LDLRAD4: variants seen among roughly 807,000 people sequenced by gnomAD.
The protein encoded by LDLRAD4 is low density lipoprotein receptor class A domain containing 4.
A neutral mutation model predicts 17.0 loss-of-function variants in LDLRAD4; 5 were observed. The ratio of observed to expected loss-of-function variants is 0.29; its 90% CI spans 0.15 to 0.62. The LOEUF is 0.62. Ranked by LOEUF, LDLRAD4 falls within the 20% of genes least tolerant of loss-of-function variation. The pLI, the probability that LDLRAD4 is intolerant of heterozygous loss-of-function variation, is 0.84. For synonymous variants in LDLRAD4, 168 were observed against 171.8 expected (o/e 0.98, Z 0.17); for missense variants, 340 against 424.7 (o/e 0.80, Z 1.75).
chr18:13,265,408 C>T (rs1316586826), intron 1 of LDLRAD4, among the ~76,000 whole-genome samples: 2 of 152,174 alleles, frequency 1.3e-5, no homozygotes, highest in Non-Finnish European at 2.9e-5. Context: ...CGGGGACACT[C>T]GAAGCCCTCC....
chr18:13,594,259 G>A (rs1020822525), intron 3 of LDLRAD4, among the ~76,000 whole-genome samples: 7 of 152,082 alleles, frequency 4.6e-5, no homozygotes, highest in African/African-American at 7.2e-5. Context: ...TTTTCCCTCC[G>A]TTGGTCTGTC....
At chr18:13,251,452 A>G (rs910118340) in intron 1 of LDLRAD4, among the ~76,000 whole-genome samples, 4 of 152,234 alleles carry the variant, frequency 2.6e-5, no homozygotes, top group African/African-American at 9.6e-5. Flanking sequence ...TGCAAATGAC[A>G]TGATCTTATA....
chr18:13,486,562 T>A (rs2093227293), intron 3 of LDLRAD4: 1 of 152,252 alleles, frequency 6.6e-6, no homozygotes, highest in South Asian at 2.1e-4. Flanking sequence ...TGCGTACACC[T>A]CCTCTCTGTT....
At chr18:13,595,041 A>G (rs1183766024) in intron 3 of LDLRAD4, among the ~76,000 whole-genome samples, 1 of 152,102 alleles carries the variant, frequency 6.6e-6, no homozygotes, top group Non-Finnish European at 1.5e-5. Flanking sequence ...TGCTCATAAT[A>G]TTACATTATA....
intron 3 of LDLRAD4, among the ~76,000 whole-genome samples, chr18:13,599,609 G>A (rs932571240): frequency 3.3e-5 from 5 of 150,562 alleles, no homozygotes; most frequent in Admixed American, 2.7e-4. Context: ...TCCTGCCTCA[G>A]CCTCCTGAGT....
At chr18:13,644,852 C>T in intron 5 of LDLRAD4, 1 of 437,960 alleles carries the variant, frequency 2.3e-6, no homozygotes, top group East Asian at 3.9e-5. Flanking sequence ...ACAGAAACTC[C>T]CAGGAGCCCA....
chr18:13,361,656 G>C (rs1017113012), intron 1 of LDLRAD4, among the ~76,000 whole-genome samples: 1 of 152,204 alleles, frequency 6.6e-6, no homozygotes, highest in African/African-American at 2.4e-5. Flanking sequence ...TGACATCACT[G>C]CTGCCCACAC....
intron 1 of LDLRAD4, among the ~76,000 whole-genome samples, chr18:13,224,474 CTTTTTTTTT>C (rs10676168): frequency 1.6e-4 from 14 of 87,886 alleles, no homozygotes; most frequent in South Asian, 1.4e-3. Context: ...TTCTTTCTTT[CTTTTTTTTT>C]TTTTTTTTTT....
At position 13,398,324 on chromosome 18, in the gene LDLRAD4, C is replaced by T. The variant is rs1486953145; in HGVS notation, c.40+10562C>T. 6.6e-6 allele frequency among the ~76,000 whole-genome samples: 1 copy of T among 151,954 alleles called. No individual in the cohort carries two copies. Among genetic ancestry groups the T allele is most frequent in the Non-Finnish European group, 1.5e-5 (1 of 68,024 alleles). ...TCATTCTGCTTTTGGAATGCTTAGG[C>T]GTGAAAGCAGCACAGCGTCACGGTG... On this transcript the variant is annotated intron_variant, in intron 2 of 5. Transcript: ENST00000359446. The surrounding 1 kb of genome is among the most constrained non-coding windows in gnomAD (Gnocchi z 4.8).
chr18:13,469,193 C>T (rs138152484), intron 3 of LDLRAD4, among the ~76,000 whole-genome samples: 166 of 152,312 alleles, frequency 1.1e-3, no homozygotes, highest in African/African-American at 3.9e-3. Flanking sequence ...TACCACTTCA[C>T]ACCTACCAGA....
intron 3 of LDLRAD4, among the ~76,000 whole-genome samples, chr18:13,537,926 ATT>A (rs1335305361): frequency 1.3e-5 from 2 of 152,160 alleles, no homozygotes; most frequent in African/African-American, 4.8e-5. Context: ...CTTTCAAGAA[ATT>A]TGTCCATTTT....
chr18:13,614,247 C>T (rs1406958007), intron 3 of LDLRAD4: 2 of 152,230 alleles, frequency 1.3e-5, no homozygotes, highest in East Asian at 3.8e-4. Flanking sequence ...CCAGGGCTCA[C>T]TCTGTAGAGG....
intron 1 of LDLRAD4, among the ~76,000 whole-genome samples, chr18:13,345,124 T>C (rs1167310745): frequency 2.0e-5 from 3 of 152,194 alleles, no homozygotes; most frequent in Non-Finnish European, 4.4e-5. Flanking sequence ...CTATGTTGAA[T>C]AGGAGTGGTG....
intron 3 of LDLRAD4, among the ~76,000 whole-genome samples, chr18:13,573,125 G>A (rs1026146894): frequency 6.6e-6 from 1 of 152,006 alleles, no homozygotes; most frequent in African/African-American, 2.4e-5. Context: ...ATTTTTTTGA[G>A]ACGGAGTCTC....
chr18:13,607,836 G>C (rs772801829), intron 3 of LDLRAD4, among the ~76,000 whole-genome samples: 8 of 152,114 alleles, frequency 5.3e-5, no homozygotes, highest in Non-Finnish European at 1.0e-4. Flanking sequence ...TTCTTTACCT[G>C]GTCTATCACT....
chr18:13,412,735 G>T (rs1269219799), intron 2 of LDLRAD4, among the ~76,000 whole-genome samples: 1 of 152,150 alleles, frequency 6.6e-6, no homozygotes, highest in Non-Finnish European at 1.5e-5. Context: ...ATGGATTTTT[G>T]TCTTCCTTGT....
rs2039672454 is a variant in LDLRAD4 at position 13,612,537 on chromosome 18, AGAAACACAC to A, written c.182-8579_182-8571del. Reference sequence around the variant, plus strand: ...TAGAGAGAGAGTGAACGAGGCAGACAGAAACACACCCCCCCCCCCTCCACGCTCACACAC... The same window carrying A: ...TAGAGAGAGAGTGAACGAGGCAGACACCCCCCCCCCTCCACGCTCACACAC... On this transcript the variant is annotated intron_variant, in intron 3 of 5. Transcript: ENST00000359446. 15 of 1,402,304 alleles carry A rather than the reference AGAAACACAC, an allele frequency of 1.1e-5. No individual in the cohort carries two copies. The South Asian group carries it at 2.3e-4, about 21-fold the overall frequency. The allele number at this position is 1,402,304 out of a possible 1,614,324, so 86.9% of individuals were successfully genotyped here.
chr18:13,643,071 G>C (rs1448952791), intron 4 of LDLRAD4, among the ~76,000 whole-genome samples: 1 of 151,908 alleles, frequency 6.6e-6, no homozygotes, highest in Non-Finnish European at 1.5e-5. Context: ...GAGTAGCTGG[G>C]ATTACAGGCA....
intron 3 of LDLRAD4, among the ~76,000 whole-genome samples, chr18:13,509,034 G>A (rs751408667): frequency 7.6e-4 from 115 of 152,194 alleles, no homozygotes; most frequent in Non-Finnish European, 6.8e-4. Context: ...CAGGCACAGT[G>A]GCTCATGCCT....
Sources: allele counts gnomAD v4.1 joint callset (sites outside exome capture counted in the v4.1 genomes callset), GRCh38; gene constraint gnomAD v4.1.1; non-coding constraint Gnocchi (gnomAD v3.1); transcripts MANE v1.5; gene names NCBI Gene and HGNC (gene_info 2026-07-23, HGNC 2026-07-21).